Variants in C8orf34 observed in about 807,000 individuals in gnomAD.
The protein encoded by C8orf34 is uncharacterized protein C8orf34.
A neutral mutation model predicts 68.3 loss-of-function variants in C8orf34; 65 were observed. That is an observed-to-expected ratio of 0.95 (90% CI 0.78 to 1.17). C8orf34 has a LOEUF of 1.17. Among genes scored for constraint, C8orf34 ranks in the 50% most tolerant of loss-of-function variants. C8orf34 has a pLI of 0.00. For missense variants in C8orf34, 664 were observed against 655.4 expected, an observed-to-expected ratio of 1.01 and a Z score of -0.14; for synonymous variants, 244 against 241.2, an observed-to-expected ratio of 1.01 and a Z score of -0.11.
In C8orf34 at chr8:68,412,454, CT is replaced by C. The variant is rs1809482645; in HGVS notation, c.328-27044del. Among the ~76,000 whole-genome samples the C allele has an allele frequency of 2.6e-5, 4 of 152,198 alleles. No individual in the cohort carries two copies. The South Asian group carries it at 8.3e-4, about 32-fold the overall frequency. On this transcript the variant is annotated intron_variant, in intron 1 of 13. Coordinates refer to ENST00000518698, the MANE Select transcript of C8orf34 (RefSeq NM_052958.4). ...TTTTAAAAATAGACCTGTCTTTGAACTCCATGCCATCAGATTACATTTCCCA... is the reference window on the plus strand; with the variant it reads ...TTTTAAAAATAGACCTGTCTTTGAACCCATGCCATCAGATTACATTTCCCA...
At chr8:68,781,829 T>G (rs1275292941) in intron 11 of C8orf34, among the ~76,000 whole-genome samples, 5 of 152,204 alleles carry the variant, frequency 3.3e-5, no homozygotes, top group Admixed American at 2.0e-4. Context: ...AAACTACATA[T>G]TTTACCAAGC....
In C8orf34 at chr8:68,468,854, C is replaced by G. The variant is rs770981093; in HGVS notation, c.736+34C>G. The G allele has an allele frequency of 3.1e-6, 5 of 1,593,046 alleles. No homozygotes were observed. The African/African-American group carries it at 6.8e-5, about 22-fold the overall frequency. On this transcript the variant is annotated intron_variant, in intron 4 of 13. Transcript: ENST00000518698. ...ATTTACTTGATTATAATTGAAACTC[C>G]TAACCAATATTAAAGCCGAAGCATT...
At chr8:68,769,909 C>T (rs562816154) in intron 10 of C8orf34, among the ~76,000 whole-genome samples, 63 of 152,148 alleles carry the variant, frequency 4.1e-4, no homozygotes, top group Middle Eastern at 3.4e-3. Flanking sequence ...TAAGGATAGG[C>T]GTAGTCTCAA....
intron 1 of C8orf34, among the ~76,000 whole-genome samples, chr8:68,422,396 G>A (rs569337404): frequency 1.1e-3 from 160 of 152,264 alleles, no homozygotes; most frequent in Non-Finnish European, 2.0e-3. Context: ...ATGCAAGTCC[G>A]AAATCCAATA....
intron 10 of C8orf34, among the ~76,000 whole-genome samples, chr8:68,751,554 T>C (rs1323274279): frequency 6.6e-6 from 1 of 152,190 alleles, no homozygotes; most frequent in East Asian, 1.9e-4. Context: ...ATCTCAATAG[T>C]AAGTTAAAAC....
At chr8:68,400,121 A>G (rs952595656) in intron 1 of C8orf34, among the ~76,000 whole-genome samples, 3 of 152,040 alleles carry the variant, frequency 2.0e-5, no homozygotes, top group East Asian at 1.9e-4. Context: ...CAAGCTGTCT[A>G]TTCACTCTGT....
chr8:68,370,563 T>A (rs981331756), intron 1 of C8orf34, among the ~76,000 whole-genome samples: 4 of 152,188 alleles, frequency 2.6e-5, no homozygotes, highest in East Asian at 3.9e-4. Context: ...CTTTCTAGAG[T>A]GCGGAGTGGG....
At chr8:68,686,525 C>T (rs182361310) in intron 8 of C8orf34, among the ~76,000 whole-genome samples, 41 of 151,946 alleles carry the variant, frequency 2.7e-4, no homozygotes, top group Non-Finnish European at 4.1e-4. Context: ...ATTAAAGAAC[C>T]GTATGATCAT....
chr8:68,715,496 T>C (rs1202691585), intron 9 of C8orf34, among the ~76,000 whole-genome samples: 1 of 152,052 alleles, frequency 6.6e-6, no homozygotes, highest in Admixed American at 6.6e-5. Context: ...AGAGGATATA[T>C]GAGTGGCCAA....
At chr8:68,579,125 T>A (rs1053212893) in intron 7 of C8orf34, among the ~76,000 whole-genome samples, 44 of 151,430 alleles carry the variant, frequency 2.9e-4, no homozygotes, top group Non-Finnish European at 4.3e-4. Context: ...GTTTTGAAAA[T>A]TTTTTTTTAA....
intron 10 of C8orf34, among the ~76,000 whole-genome samples, chr8:68,730,568 A>G (rs1477728288): frequency 1.3e-5 from 2 of 152,160 alleles, no homozygotes; most frequent in African/African-American, 4.8e-5. Flanking sequence ...TTGAAAATGT[A>G]ACTTCTAAAT....
At chr8:68,662,293 C>T (rs1228527487) in intron 8 of C8orf34, among the ~76,000 whole-genome samples, 3 of 152,148 alleles carry the variant, frequency 2.0e-5, no homozygotes, top group East Asian at 1.9e-4. Flanking sequence ...CCTTTAGTCT[C>T]CTCTGCTATG....
At chr8:68,638,141 A>G (rs1201468194) in intron 7 of C8orf34, among the ~76,000 whole-genome samples, 2 of 152,132 alleles carry the variant, frequency 1.3e-5, no homozygotes, top group African/African-American at 4.8e-5. Context: ...TGAGGTCATT[A>G]TCTCCCTCTG....
intron 8 of C8orf34, among the ~76,000 whole-genome samples, chr8:68,641,605 G>T (rs771567532): frequency 2.0e-5 from 3 of 152,108 alleles, no homozygotes; most frequent in African/African-American, 7.2e-5. Context: ...AGAGTTATAC[G>T]ATACTTTGTT....
chr8:68,590,017 A>T (rs1817337935), intron 7 of C8orf34, among the ~76,000 whole-genome samples: 1 of 151,248 alleles, frequency 6.6e-6, no homozygotes, highest in South Asian at 2.1e-4. Flanking sequence ...AAAAATTTTT[A>T]AAAAAGGATG....
At chr8:68,706,526 A>G (rs957150545) in intron 8 of C8orf34, among the ~76,000 whole-genome samples, 8 of 152,166 alleles carry the variant, frequency 5.3e-5, no homozygotes, top group South Asian at 2.1e-4. Context: ...GGTTGCGTAG[A>G]AAGTGTTAAG....
chr8:68,695,148 CTTTTT>C (rs111296235), intron 8 of C8orf34, among the ~76,000 whole-genome samples: 1 of 139,156 alleles, frequency 7.2e-6, no homozygotes, highest in African/African-American at 2.7e-5. Flanking sequence ...CTGTTTATTC[CTTTTT>C]TTTTTTTTTT....
rs565533393 is a variant in C8orf34, at chr8:68,527,605, C to T, written c.939-5378C>T. Among the ~76,000 whole-genome samples the T allele has an allele frequency of 7.2e-5, 11 of 152,146 alleles. 1 individual carries two copies. The South Asian group carries it at 2.1e-3, about 29-fold the overall frequency. Reference sequence around the variant, plus strand: ...AAAAAATAAAAAATTAATGAGGAAACTAAGTCCCAGAGTGGCTACATCCCC... The same window carrying T: ...AAAAAATAAAAAATTAATGAGGAAATTAAGTCCCAGAGTGGCTACATCCCC... On this transcript the variant is annotated intron_variant, in intron 6 of 13. Coordinates refer to ENST00000518698, the MANE Select transcript of C8orf34 (RefSeq NM_052958.4).
At chr8:68,633,752 A>C (rs181012970) in intron 7 of C8orf34, among the ~76,000 whole-genome samples, 17 of 152,286 alleles carry the variant, frequency 1.1e-4, no homozygotes, top group African/African-American at 4.1e-4. Context: ...GAAGTCCCAA[A>C]ATAGGAAGGA....
Sources: allele counts gnomAD v4.1 joint callset (sites outside exome capture counted in the v4.1 genomes callset), GRCh38; gene constraint gnomAD v4.1.1; transcripts MANE v1.5; gene names NCBI Gene and HGNC (gene_info 2026-07-23, HGNC 2026-07-21).